The following RET variants were observed in gnomAD, a reference collection of about 807,000 sequenced individuals.
RET encodes ret proto-oncogene, also known as proto-oncogene tyrosine-protein kinase receptor Ret.
Under a neutral mutation model 118.3 loss-of-function variants are expected in RET, and 19 were observed. The ratio of observed to expected loss-of-function variants is 0.16; its 90% CI spans 0.11 to 0.24. The LOEUF is 0.24. Ranked by LOEUF, RET falls within the 10% of genes least tolerant of loss-of-function variation. The pLI is 1.00. For synonymous variants in RET, 597 were observed against 644.1 expected, an observed-to-expected ratio of 0.93 and a Z score of 1.11; for missense variants, 1,219 against 1,502.1, an observed-to-expected ratio of 0.81 and a Z score of 3.12.
chr10:43,088,972 C>A (rs911405459), intron 1 of RET, among the ~76,000 whole-genome samples: 5 of 152,230 alleles, frequency 3.3e-5, no homozygotes, highest in Non-Finnish European at 2.9e-5. Flanking sequence ...TCCTGCCGGG[C>A]ACTGGCTCCT....
rs776300640 is a variant in RET at position 43,106,536 on chromosome 10, A to C, written c.1028A>C (p.Asn343Thr). 6.2e-7 allele frequency: 1 copy of C among 1,613,800 alleles called. No homozygotes were observed. Among genetic ancestry groups the C allele is most frequent in the South Asian group, 1.1e-5 (1 of 91,066 alleles). Residue 343 changes from asparagine to threonine, a missense_variant, in exon 5 of 20, where the codon AAC becomes ACC. Transcript: ENST00000355710. This position sits in a 1 kb window ranked among gnomAD's most constrained non-coding sequence, Gnocchi z 5.1. ...HWPNETSVQA[N>T]GSFVRATVHD... Reference sequence around the variant, plus strand: ...CCCAACGAGACCTCGGTCCAGGCCAACGGCAGCTTCGTGCGGGCGACCGTA... The same window carrying C: ...CCCAACGAGACCTCGGTCCAGGCCACCGGCAGCTTCGTGCGGGCGACCGTA...
intron 10 of RET, 71 bp downstream of exon 10, chr10:43,113,746 C>T: frequency 1.3e-6 from 2 of 1,593,716 alleles, no homozygotes; most frequent in South Asian, 2.2e-5. Flanking sequence ...CATCTGAGGT[C>T]CCAACAAGGG....
intron 4 of RET, 36 bp downstream of exon 4, chr10:43,105,229 C>G (rs976779708): frequency 6.2e-7 from 1 of 1,611,806 alleles, no homozygotes; most frequent in Non-Finnish European, 8.5e-7. Context: ...TACCCAGTGT[C>G]TGTCTCCGGC....
rs116016542 is a variant in RET at position 43,080,936 on chromosome 10, A to G, written c.73+3605A>G. On this transcript the variant is annotated intron_variant, in intron 1 of 19. Coordinates refer to ENST00000355710, the MANE Select transcript of RET (RefSeq NM_020975.6). Reference sequence around the variant, plus strand: ...GCCTGAGGCCCTGGCATCGGATGGAAGCTACTGCTCTGAAGACAAGGGTGC... The same window carrying G: ...GCCTGAGGCCCTGGCATCGGATGGAGGCTACTGCTCTGAAGACAAGGGTGC... Among the ~76,000 whole-genome samples the G allele has an allele frequency of 9.3e-3, 1,423 of 152,310 alleles. 24 individuals carry two copies. Among genetic ancestry groups the G allele is most frequent in the African/African-American group, 0.033 (1,376 of 41,564 alleles).
chr10:43,083,225 C>T (rs1325345978), intron 1 of RET, among the ~76,000 whole-genome samples: 3 of 152,210 alleles, frequency 2.0e-5, no homozygotes, highest in African/African-American at 2.4e-5. Context: ...CTGCAGGAGA[C>T]TCCTCTGGCA....
At chr10:43,104,502 G>C (rs967944686) in intron 3 of RET, among the ~76,000 whole-genome samples, 5 of 152,092 alleles carry the variant, frequency 3.3e-5, no homozygotes, top group African/African-American at 1.2e-4. Context: ...GGGCAACACA[G>C]CGAGACTCCA....
intron 3 of RET, 66 bp from the exon 4 acceptor site, chr10:43,104,886 C>G (rs1837724403): frequency 3.3e-6 from 5 of 1,533,068 alleles, no homozygotes; most frequent in Admixed American, 2.0e-5. Flanking sequence ...GCCCCCTTCC[C>G]GAGGAAAGCG....
At chr10:43,127,429 G>C in intron 19 of RET, 1 of 1,056,964 alleles carries the variant, frequency 9.5e-7, no homozygotes, top group Non-Finnish European at 1.1e-6. Flanking sequence ...CTGTGGTGCT[G>C]TGGTCTTACA....
At chr10:43,127,974 C>A in intron 19 of RET, 138 bp from the exon 20 acceptor site, 1 of 880,260 alleles carries the variant, frequency 1.1e-6, no homozygotes. Context: ...AAACCTGGAA[C>A]ACAAAACCAT....
chr10:43,091,673 A>G (rs1444970946), intron 1 of RET, among the ~76,000 whole-genome samples: 4 of 151,666 alleles, frequency 2.6e-5, no homozygotes, highest in Non-Finnish European at 5.9e-5. Context: ...AAAAATGAGC[A>G]CAGGGCCTGG....
In RET at chr10:43,111,366, C is replaced by T. The variant is rs746512075; in HGVS notation, c.1423C>T (p.Arg475Trp). 29 of 1,614,058 alleles carry T rather than the reference C, an allele frequency of 1.8e-5. No homozygotes were observed. Among genetic ancestry groups the T allele is most frequent in the African/African-American group, 5.3e-5 (4 of 75,058 alleles). ...LFVNDTKALRRPKCAELHYMV... is the reference protein window; with the variant it reads ...LFVNDTKALRWPKCAELHYMV... ...TGTGAATGACACCAAGGCCCTGCGGCGGCCCAAGTGTGCCGAACTTCACTA... is the reference window on the plus strand; with the variant it reads ...TGTGAATGACACCAAGGCCCTGCGGTGGCCCAAGTGTGCCGAACTTCACTA... The change falls in exon 7 of 20, where the codon CGG becomes TGG. Residue 475 changes from arginine to tryptophan, a missense_variant. This residue lies in a region of RET where 850 missense variants were observed against 969.6 expected (regional missense o/e 0.88). Transcript: ENST00000355710.
At chr10:43,119,114 G>A (rs1007613271) in intron 13 of RET, among the ~76,000 whole-genome samples, 23 of 152,120 alleles carry the variant, frequency 1.5e-4, no homozygotes, top group African/African-American at 5.6e-4. Flanking sequence ...TGGGAACAGG[G>A]AGCAGGCTGT....
intron 1 of RET, among the ~76,000 whole-genome samples, chr10:43,090,926 CAT>C (rs1402854407): frequency 6.6e-6 from 1 of 151,232 alleles, no homozygotes; most frequent in Non-Finnish European, 1.5e-5. Context: ...GCTGTGGTCT[CAT>C]GAGTGGACAG....
chr10:43,104,302 C>T (rs1022186433), intron 3 of RET, among the ~76,000 whole-genome samples: 3 of 150,270 alleles, frequency 2.0e-5, no homozygotes, highest in African/African-American at 7.4e-5. Flanking sequence ...AAAAACCTAA[C>T]AGTTTTTAAA....
At chr10:43,089,275 G>A (rs1372485370) in intron 1 of RET, among the ~76,000 whole-genome samples, 1 of 152,166 alleles carries the variant, frequency 6.6e-6, no homozygotes, top group Non-Finnish European at 1.5e-5. Context: ...AGGTGTCCCA[G>A]GGTCTCCAGC....
chr10:43,127,815 C>G (rs1442510803), intron 19 of RET, among the ~76,000 whole-genome samples: 3 of 152,198 alleles, frequency 2.0e-5, no homozygotes, highest in Non-Finnish European at 4.4e-5. Context: ...TTGCCCTACA[C>G]TGCCTTAGAA....
chr10:43,113,416 C>T, intron 9 of RET, 140 bp from the exon 10 acceptor site: 1 of 1,018,660 alleles, frequency 9.8e-7, no homozygotes, highest in Non-Finnish European at 1.4e-6. Flanking sequence ...CTAAGCCAAG[C>T]TGCTGGGCCC....
intron 16 of RET, among the ~76,000 whole-genome samples, chr10:43,123,040 A>G (rs1362243801): frequency 6.6e-6 from 1 of 152,180 alleles, no homozygotes; most frequent in Non-Finnish European, 1.5e-5. Flanking sequence ...ATGTCATTGG[A>G]CCACACCGCC....
At chr10:43,087,918 ATGGTGT>A (rs780145255) in intron 1 of RET, among the ~76,000 whole-genome samples, 12 of 152,176 alleles carry the variant, frequency 7.9e-5, no homozygotes, top group Non-Finnish European at 1.3e-4. Flanking sequence ...AGTGATGGTC[ATGGTGT>A]TGGTGTTGGT....
Sources: allele counts gnomAD v4.1 joint callset (sites outside exome capture counted in the v4.1 genomes callset), GRCh38; gene constraint gnomAD v4.1.1; regional missense constraint gnomAD v4.1.1; non-coding constraint Gnocchi (gnomAD v3.1); transcripts MANE v1.5; gene names NCBI Gene and HGNC (gene_info 2026-07-23, HGNC 2026-07-21).